Variants in WWOX observed in about 807,000 individuals in gnomAD.
The protein encoded by WWOX is WW domain-containing oxidoreductase.
Under a neutral mutation model 46.2 loss-of-function variants are expected in WWOX, and 69 were observed. The observed-to-expected ratio is 1.49, with a 90% CI of 1.23 to 1.82. WWOX has a LOEUF of 1.82. WWOX is among the 40% of genes most tolerant of loss of function. The probability of loss-of-function intolerance (pLI) is 0.00; values close to 1 mark genes in which losing one functional copy is unlikely to be tolerated. For synonymous variants in WWOX, 359 were observed against 202.6 expected (o/e 1.77, Z -6.56); for missense variants, 919 against 542.6 (o/e 1.69, Z -6.89).
In WWOX at chr16:78,876,651, G is replaced by T. The variant is rs190632144; in HGVS notation, c.1057-334957G>T. The stretch of plus-strand genomic sequence containing the variant: ...TTTCTCTAGAGATCTCTAAAAGGCA[G>T]AAGTTCTGGCTATTAAAGATTTGCC... On this transcript the variant is annotated intron_variant, in intron 8 of 8. Coordinates refer to ENST00000566780, the MANE Select transcript of WWOX (RefSeq NM_016373.4). Among the ~76,000 whole-genome samples the T allele has an allele frequency of 2.0e-5, 3 of 152,256 alleles. No homozygotes were observed. In the East Asian group the frequency reaches 5.8e-4, roughly 29 times the overall value.
intron 8 of WWOX, among the ~76,000 whole-genome samples, chr16:78,816,967 C>G (rs1475990300): frequency 6.6e-6 from 1 of 152,078 alleles, no homozygotes; most frequent in African/African-American, 2.4e-5. Context: ...AAGTAAATAC[C>G]TTGGGCCTGA....
chr16:78,426,244 C>T (rs73572826), intron 7 of WWOX, among the ~76,000 whole-genome samples: 52 of 152,104 alleles, frequency 3.4e-4, no homozygotes, highest in African/African-American at 9.9e-4. Flanking sequence ...TGTTAAGGGG[C>T]GAGGGAGGCT....
chr16:78,101,948 G>T (rs182865702), intron 1 of WWOX, among the ~76,000 whole-genome samples: 67 of 152,308 alleles, frequency 4.4e-4, no homozygotes, highest in African/African-American at 1.5e-3. Flanking sequence ...GGCATGAGGT[G>T]TGTGTAGGTA....
chr16:78,523,399 A>AG (rs1320192705), intron 8 of WWOX, among the ~76,000 whole-genome samples: 1 of 152,218 alleles, frequency 6.6e-6, no homozygotes, highest in African/African-American at 2.4e-5. Flanking sequence ...TAAGAGAGGA[A>AG]GTAGTACAGC....
At chr16:78,522,798 G>A (rs937755189) in intron 8 of WWOX, among the ~76,000 whole-genome samples, 13 of 152,194 alleles carry the variant, frequency 8.5e-5, no homozygotes, top group African/African-American at 2.9e-4. Flanking sequence ...TGGGCCAGGC[G>A]CAGTGGCTCA....
At chr16:78,537,342 G>C (rs550267253) in intron 8 of WWOX, among the ~76,000 whole-genome samples, 68 of 152,264 alleles carry the variant, frequency 4.5e-4, no homozygotes, top group South Asian at 2.1e-3. Flanking sequence ...GCATTTTCTA[G>C]GTAGATAGAT....
intron 8 of WWOX, among the ~76,000 whole-genome samples, chr16:79,020,989 C>G (rs967180732): frequency 1.3e-5 from 2 of 151,956 alleles, no homozygotes; most frequent in Non-Finnish European, 2.9e-5. Flanking sequence ...ATAGGTCACC[C>G]CAAGTTATTC....
At chr16:78,930,279 C>T (rs1220122872) in intron 8 of WWOX, among the ~76,000 whole-genome samples, 21 of 107,228 alleles carry the variant, frequency 2.0e-4, no homozygotes, top group African/African-American at 5.8e-4. Context: ...TTCTCTCTTT[C>T]TTTTTTTATT....
At chr16:78,620,670 G>T (rs1321636460) in intron 8 of WWOX, among the ~76,000 whole-genome samples, 1 of 149,242 alleles carries the variant, frequency 6.7e-6, no homozygotes, top group African/African-American at 2.4e-5. Flanking sequence ...TACTGCACAA[G>T]AATTGATTTT....
At chr16:78,994,761 G>C (rs568516456) in intron 8 of WWOX, among the ~76,000 whole-genome samples, 2 of 152,228 alleles carry the variant, frequency 1.3e-5, no homozygotes, top group South Asian at 4.1e-4. Context: ...GGCAGAGAAG[G>C]ACTTTCTTTG....
In WWOX at chr16:78,679,305, C is replaced by T. The variant is rs142430039; in HGVS notation, c.1056+246553C>T. Among the ~76,000 whole-genome samples the T allele has an allele frequency of 1.9e-3, 287 of 152,304 alleles. 2 individuals carry two copies. The highest frequency in any genetic ancestry group is 7.7e-4 in the East Asian group (4 of 5,170). ...GTGGGTTGCGCCTGTAATCCCAGCACTTTGGGAGGCCAAGGCGGGTGGATC... is the reference window on the plus strand; with the variant it reads ...GTGGGTTGCGCCTGTAATCCCAGCATTTTGGGAGGCCAAGGCGGGTGGATC... On this transcript the variant is annotated intron_variant, in intron 8 of 8. Coordinates refer to ENST00000566780, the MANE Select transcript of WWOX (RefSeq NM_016373.4).
chr16:79,200,416 A>G (rs1159729894), intron 8 of WWOX, among the ~76,000 whole-genome samples: 1 of 152,162 alleles, frequency 6.6e-6, no homozygotes, highest in Non-Finnish European at 1.5e-5. Flanking sequence ...GTCAACAAGA[A>G]TATGGGTTTT....
intron 8 of WWOX, among the ~76,000 whole-genome samples, chr16:78,699,505 C>T (rs2048168119): frequency 6.6e-6 from 1 of 152,184 alleles, no homozygotes; most frequent in East Asian, 1.9e-4. Context: ...TGCCACTGTA[C>T]TCCCACATGG....
At chr16:78,675,683 A>T (rs1424120274) in intron 8 of WWOX, among the ~76,000 whole-genome samples, 3 of 152,188 alleles carry the variant, frequency 2.0e-5, no homozygotes, top group Admixed American at 6.5e-5. Flanking sequence ...TTTTAAAAAC[A>T]TGACTTTCTG....
chr16:78,449,300 C>T lies in WWOX; in HGVS notation c.1056+16548C>T, dbSNP rs117788520. ...GTCACAGTTCTTTGTAATGTAACCACGGAAGTGACGTCTTACTGCTTTTGC... is the reference window on the plus strand; with the variant it reads ...GTCACAGTTCTTTGTAATGTAACCATGGAAGTGACGTCTTACTGCTTTTGC... On this transcript the variant is annotated intron_variant, in intron 8 of 8. Transcript: ENST00000566780. 5.3e-3 allele frequency among the ~76,000 whole-genome samples: 809 copies of T among 152,236 alleles called. 38 individuals carry two copies. In the East Asian group the frequency reaches 0.11, roughly 21 times the overall value.
intron 8 of WWOX, among the ~76,000 whole-genome samples, chr16:78,567,795 C>T (rs184397006): frequency 8.7e-4 from 133 of 152,084 alleles, no homozygotes; most frequent in African/African-American, 3.2e-3. Context: ...ACCAAACCAG[C>T]AGAGCCTCCA....
chr16:78,309,379 A>G (rs1275164068), intron 5 of WWOX, among the ~76,000 whole-genome samples: 1 of 152,144 alleles, frequency 6.6e-6, no homozygotes, highest in Non-Finnish European at 1.5e-5. Context: ...CTGTGAGTAA[A>G]TTAAACATCT....
chr16:78,993,316 A>G (rs2046925164), intron 8 of WWOX, among the ~76,000 whole-genome samples: 1 of 152,134 alleles, frequency 6.6e-6, no homozygotes, highest in Admixed American at 6.5e-5. Flanking sequence ...TTATAATTAA[A>G]AAGGGAATCT....
At chr16:78,162,930 G>A (rs980811081) in intron 4 of WWOX, among the ~76,000 whole-genome samples, 2 of 151,692 alleles carry the variant, frequency 1.3e-5, no homozygotes, top group African/African-American at 4.8e-5. Flanking sequence ...CTCTTATTTT[G>A]TTTAAGTTTC....
Sources: gnomAD v4.1 joint callset for allele counts (sites outside exome capture counted in the v4.1 genomes callset) on GRCh38, gnomAD v4.1.1 for gene constraint, MANE v1.5 for transcripts, NCBI Gene and HGNC (gene_info 2026-07-23, HGNC 2026-07-21) for gene names.